Variants in BAZ1A observed in about 807,000 individuals in gnomAD.
The protein encoded by BAZ1A is bromodomain adjacent to zinc finger domain 1A.
A neutral mutation model predicts 185.2 loss-of-function variants in BAZ1A; 50 were observed. The observed-to-expected ratio is 0.27, with a 90% CI of 0.22 to 0.34. BAZ1A has a LOEUF of 0.34. BAZ1A is among the 10% of genes least tolerant of loss of function. The pLI is 1.00. For synonymous variants in BAZ1A, 571 were observed against 615.6 expected (o/e 0.93, Z 1.07); for missense variants, 1,356 against 1,839.9 (o/e 0.74, Z 4.81).
chr14:34,842,559 G>A (rs764827497), intron 3 of BAZ1A, among the ~76,000 whole-genome samples: 7 of 152,118 alleles, frequency 4.6e-5, no homozygotes, highest in Admixed American at 6.6e-5. Context: ...CATTAAGAGC[G>A]AATGATTAAA....
intron 3 of BAZ1A, among the ~76,000 whole-genome samples, chr14:34,839,451 A>G (rs776963138): frequency 1.5e-4 from 22 of 148,834 alleles, no homozygotes; most frequent in Admixed American, 2.7e-4. Context: ...AGGCGAGAGG[A>G]TGGCTTTAGC....
chr14:34,809,792 T>C (rs2041904006), intron 5 of BAZ1A, among the ~76,000 whole-genome samples: 1 of 152,086 alleles, frequency 6.6e-6, no homozygotes, highest in Non-Finnish European at 1.5e-5. Context: ...GGGAATTACA[T>C]TATGTAAATA....
chr14:34,823,237 C>G (rs1314758723), intron 4 of BAZ1A, among the ~76,000 whole-genome samples: 2 of 152,022 alleles, frequency 1.3e-5, no homozygotes, highest in Admixed American at 1.3e-4. Context: ...CGCCTGTAGT[C>G]TCAGCTACTC....
chr14:34,774,518 A>G (rs772764040), intron 18 of BAZ1A, 28 bp from the exon 19 acceptor site: 2 of 1,524,086 alleles, frequency 1.3e-6, no homozygotes, highest in South Asian at 2.6e-5. Flanking sequence ...TACTTTTATT[A>G]TGATTTTCTT....
chr14:34,811,142 C>CA, intron 4 of BAZ1A, 106 bp from the exon 5 acceptor site: 1 of 835,020 alleles, frequency 1.2e-6, no homozygotes, highest in Non-Finnish European at 1.8e-6. Flanking sequence ...TCACATATTT[C>CA]AAAATTTTTT....
chr14:34,758,584 AAAC>A (rs988201346), intron 25 of BAZ1A, 117 bp downstream of exon 25: 77 of 1,072,476 alleles, frequency 7.2e-5, no homozygotes, highest in East Asian at 3.2e-4. Flanking sequence ...TCTCAGGAAA[AAAC>A]AACAACAACA....
chr14:34,871,813 G>C (rs1368397924), intron 2 of BAZ1A, among the ~76,000 whole-genome samples: 1 of 152,242 alleles, frequency 6.6e-6, no homozygotes, highest in Non-Finnish European at 1.5e-5. Context: ...AGAGGTTGCA[G>C]TGAGCCGAGA....
In BAZ1A at chr14:34,780,319, TA is replaced by T. The variant is rs1879955246; in HGVS notation, c.2112-10del. 2 of 1,600,126 alleles carry T rather than the reference TA, an allele frequency of 1.2e-6. No individual in the cohort carries two copies. The highest frequency in any genetic ancestry group is 2.3e-5 in the South Asian group (2 of 87,968). ...CTTCCCTTTCTTCCTCCCTTTAGGA[TA>T]AAAACAAAGATGACATTTACTAATG... On this transcript the variant is annotated splice_polypyrimidine_tract_variant and intron_variant, in intron 16 of 26. Transcript: ENST00000360310.
intron 2 of BAZ1A, among the ~76,000 whole-genome samples, chr14:34,873,036 C>CT (rs1379372256): frequency 5.3e-5 from 8 of 151,490 alleles, no homozygotes; most frequent in Non-Finnish European, 1.2e-4. Flanking sequence ...GCGAGATGTG[C>CT]ACTCCTACTT....
intron 21 of BAZ1A, among the ~76,000 whole-genome samples, chr14:34,765,954 G>A (rs59678582): frequency 0.23 from 35,465 of 151,984 alleles, 4,484 homozygotes; most frequent in Non-Finnish European, 0.28. Context: ...AATTCTGCAA[G>A]GTATATAAGA....
In BAZ1A at chr14:34,801,078, C is replaced by T. The variant is rs746359714; in HGVS notation, c.961+16G>A. 1 of 1,537,990 alleles carries T rather than the reference C, an allele frequency of 6.5e-7. No homozygotes were observed. The highest frequency in any genetic ancestry group is 8.8e-7 in the Non-Finnish European group (1 of 1,135,988). ...CTTATTCCTAATTAGCTTTTGGAAA[C>T]AATGTTAAAACTCACCCAGTGACTT... On this transcript the variant is annotated intron_variant, in intron 8 of 26. Coordinates refer to ENST00000360310, the MANE Select transcript of BAZ1A (RefSeq NM_013448.3).
intron 2 of BAZ1A, among the ~76,000 whole-genome samples, chr14:34,869,625 G>C (rs913852689): frequency 6.6e-6 from 1 of 152,114 alleles, no homozygotes; most frequent in Non-Finnish European, 1.5e-5. Flanking sequence ...ACATATATTA[G>C]ACTATCAGTG....
intron 3 of BAZ1A, among the ~76,000 whole-genome samples, chr14:34,839,296 A>T (rs1233798622): frequency 6.6e-6 from 1 of 152,190 alleles, no homozygotes; most frequent in Non-Finnish European, 1.5e-5. Flanking sequence ...CTGTAATCCC[A>T]GCACTTTGGG....
chr14:34,837,361 C>A (rs920901478), intron 3 of BAZ1A, among the ~76,000 whole-genome samples: 1 of 151,818 alleles, frequency 6.6e-6, no homozygotes, highest in Admixed American at 6.6e-5. Flanking sequence ...CTAACCTCAG[C>A]CTCCTAAGTA....
Position 34,775,089 on chromosome 14 carries a change from G to A in BAZ1A, c.2834-599C>T, listed in dbSNP as rs533918552. Among the ~76,000 whole-genome samples, 21 of 151,968 alleles carry A rather than the reference G, an allele frequency of 1.4e-4. No homozygotes were observed. The South Asian group carries it at 2.1e-3, about 15-fold the overall frequency. On this transcript the variant is annotated intron_variant, in intron 18 of 26. Coordinates refer to ENST00000360310, the MANE Select transcript of BAZ1A (RefSeq NM_013448.3). ...AAATTAGCTGGGTGTGGTGGCGGGC[G>A]CCTGTTATCCCAGCTACTTGGGAGG...
At chr14:34,791,380 T>C (rs567407193) in intron 12 of BAZ1A, among the ~76,000 whole-genome samples, 28 of 152,306 alleles carry the variant, frequency 1.8e-4, no homozygotes, top group African/African-American at 6.7e-4. Flanking sequence ...ATAAATATAA[T>C]AGCTAAAAGA....
At chr14:34,759,577 G>C (rs1886435575) in intron 24 of BAZ1A, among the ~76,000 whole-genome samples, 1 of 152,150 alleles carries the variant, frequency 6.6e-6, no homozygotes, top group African/African-American at 2.4e-5. Context: ...AACCTCCTCA[G>C]ATCTAGAAAC....
At chr14:34,871,630 C>T (rs1018310477) in intron 2 of BAZ1A, among the ~76,000 whole-genome samples, 5 of 152,308 alleles carry the variant, frequency 3.3e-5, no homozygotes, top group South Asian at 4.1e-4. Context: ...CCCAACACTT[C>T]GGGAGGCCGA....
chr14:34,807,184 A>G (rs995310453), intron 6 of BAZ1A, among the ~76,000 whole-genome samples: 5 of 150,934 alleles, frequency 3.3e-5, no homozygotes, highest in South Asian at 2.1e-4. Flanking sequence ...GCCCCACCTG[A>G]TAACTTTTCT....
Sources: gnomAD v4.1 joint callset for allele counts (sites outside exome capture counted in the v4.1 genomes callset) on GRCh38, gnomAD v4.1.1 for gene constraint, MANE v1.5 for transcripts, NCBI Gene and HGNC (gene_info 2026-07-23, HGNC 2026-07-21) for gene names.